CORO7: variants seen among roughly 807,000 people sequenced by gnomAD.
CORO7 encodes coronin 7, also known as coronin-7.
Under a neutral mutation model 126.6 loss-of-function variants are expected in CORO7, and 107 were observed. That is an observed-to-expected ratio of 0.85 (90% CI 0.72 to 0.99). The LOEUF (loss-of-function observed/expected upper bound fraction) is 0.99, where lower values mean the gene tolerates loss of function less well. Ranked by LOEUF, CORO7 falls within the 50% of genes least tolerant of loss-of-function variation. The probability of loss-of-function intolerance (pLI) is 0.00; values close to 1 mark genes in which losing one functional copy is unlikely to be tolerated. For synonymous variants in CORO7, 603 were observed against 536.8 expected (o/e 1.12, Z -1.70); for missense variants, 1,314 against 1,255.8 (o/e 1.05, Z -0.70).
chr16:4,415,934 G>T (rs910551577), intron 1 of CORO7: 13 of 979,816 alleles, frequency 1.3e-5, no homozygotes, highest in Non-Finnish European at 3.6e-6. Flanking sequence ...AGGAAGCACC[G>T]GCGGAAACCC....
In CORO7 at chr16:4,405,428, A is replaced by G. The variant is rs1596335443; in HGVS notation, c.564+63T>C. On this transcript the variant is annotated intron_variant, in intron 6 of 27. Transcript: ENST00000251166. Reference sequence around the variant, plus strand: ...ACAACAAGCCTGGAAGGCCCAGCCCAGGGGGTCCCAGCCCAGGAGGCCTGC... The same window carrying G: ...ACAACAAGCCTGGAAGGCCCAGCCCGGGGGGTCCCAGCCCAGGAGGCCTGC... The G allele has an allele frequency of 3.0e-5, 46 of 1,545,706 alleles. 1 individual carries two copies. The South Asian group carries it at 5.4e-4, about 18-fold the overall frequency.
Position 4,362,239 on chromosome 16 carries a change from C to T in CORO7, c.1403-79G>A. The T allele has an allele frequency of 6.6e-7, 1 of 1,511,366 alleles. No homozygotes were observed. 93.6% of individuals were successfully genotyped at this position (1,511,366 alleles called of 1,614,324 possible). The stretch of plus-strand genomic sequence containing the variant: ...CCTGCACTCTTTGAGTCCCGGCTGC[C>T]CACTCCCCTCACCCCAGGTGGATGT... On this transcript the variant is annotated intron_variant, in intron 15 of 27. Transcript: ENST00000251166. This position sits in a 1 kb window ranked among gnomAD's most constrained non-coding sequence, Gnocchi z 5.3.
intron 6 of CORO7, among the ~76,000 whole-genome samples, chr16:4,395,797 T>C (rs186093948): frequency 2.4e-4 from 37 of 152,348 alleles, no homozygotes; most frequent in Non-Finnish European, 4.6e-4. Context: ...GACGACCTCA[T>C]TTCTGCACTT....
chr16:4,391,015 G>C (rs188650165), intron 7 of CORO7, among the ~76,000 whole-genome samples: 1 of 152,322 alleles, frequency 6.6e-6, no homozygotes, highest in East Asian at 1.9e-4. Flanking sequence ...CCCAATGTGG[G>C]TACACCCAGC....
intron 23 of CORO7, chr16:4,358,929 C>T: frequency 3.1e-6 from 1 of 319,970 alleles, no homozygotes; most frequent in Non-Finnish European, 5.7e-6. Context: ...ATAGTTTAAC[C>T]TTATCTAGTG....
intron 6 of CORO7, among the ~76,000 whole-genome samples, chr16:4,397,030 A>G (rs1442747863): frequency 7.0e-6 from 1 of 142,968 alleles, no homozygotes; most frequent in African/African-American, 2.6e-5. Context: ...AAAAAAAAAA[A>G]GAAAGAAAGA....
At chr16:4,412,682 T>C (rs2056258193) in intron 2 of CORO7, 2 of 522,354 alleles carry the variant, frequency 3.8e-6, no homozygotes, top group South Asian at 2.7e-5. Flanking sequence ...ACACGGGTCA[T>C]ACGAAAGGGG....
chr16:4,361,948 G>A (rs2054193578), intron 16 of CORO7, 37 bp downstream of exon 16: 1 of 1,572,400 alleles, frequency 6.4e-7, no homozygotes, highest in Non-Finnish European at 8.6e-7. Context: ...CACAGGCAGG[G>A]AACTGAGGGG....
chr16:4,360,200 G>C lies in CORO7; in HGVS notation c.2108+78C>G. The C allele has an allele frequency of 2.5e-6, 4 of 1,589,928 alleles. No individual in the cohort carries two copies. The South Asian group carries it at 4.5e-5, about 18-fold the overall frequency. On this transcript the variant is annotated intron_variant, in intron 21 of 27. Coordinates refer to ENST00000251166, the MANE Select transcript of CORO7 (RefSeq NM_024535.5). ...GGGCAGGAATGGTTTCTGAAAGCCT[G>C]ACAAATGTATGTGACTGTGGAGAAG...
At position 4,406,684 on chromosome 16, in the gene CORO7, T is replaced by A. The variant is rs538837873; in HGVS notation, c.487+817A>T. Among the ~76,000 whole-genome samples, 3 of 152,108 alleles carry A rather than the reference T, an allele frequency of 2.0e-5. No homozygotes were observed. The East Asian group carries it at 5.8e-4, about 30-fold the overall frequency. On this transcript the variant is annotated intron_variant, in intron 5 of 27. Transcript: ENST00000251166. ...TCTTGTCCCCCAGGGTGGAGTGCAA[T>A]GGCACGATCTCTCTTCGCTCTCCAT...
chr16:4,400,490 G>A (rs1000866260), intron 6 of CORO7, among the ~76,000 whole-genome samples: 2 of 152,144 alleles, frequency 1.3e-5, no homozygotes, highest in Non-Finnish European at 2.9e-5. Context: ...AAAATTAGCT[G>A]GGTGTGGTGG....
In CORO7 at chr16:4,408,238, G is replaced by C. The variant is rs749625073; in HGVS notation, c.246C>G (p.Asp82Glu). 6.2e-7 allele frequency: 1 copy of C among 1,614,114 alleles called. No individual in the cohort carries two copies. Among genetic ancestry groups the C allele is most frequent in the Non-Finnish European group, 8.5e-7 (1 of 1,180,044 alleles). ...HLGCHSDLVT[D>E]LDFSPFDDFL... ...AGTCATCAAAGGGCGAGAAGTCCAA[G>C]TCGGTGACTAGGTCTGTGGGAGAGG... The change falls in exon 4 of 28, where the codon GAC becomes GAG. Residue 82 changes from aspartate (D) to glutamate (E), a missense_variant. Transcript: ENST00000251166.
intron 20 of CORO7, 24 bp from the exon 21 acceptor site, chr16:4,360,387 C>T (rs775163087): frequency 6.2e-7 from 1 of 1,613,426 alleles, no homozygotes; most frequent in East Asian, 2.2e-5. Context: ...TCGCGTGACA[C>T]CCAGCCAGCA....
intron 5 of CORO7, among the ~76,000 whole-genome samples, chr16:4,407,211 G>A (rs1371929497): frequency 6.6e-6 from 1 of 151,078 alleles, no homozygotes; most frequent in African/African-American, 2.4e-5. Context: ...GCCTCCCAGA[G>A]TGTTGGGATT....
At chr16:4,357,351 CTTTCTTTTTT>C (rs2054009600) in intron 25 of CORO7, 92 bp from the exon 26 acceptor site, 20 of 958,538 alleles carry the variant, frequency 2.1e-5, no homozygotes, top group South Asian at 5.8e-5. Context: ...TCTTTTCTTT[CTTTCTTTTTT>C]TTTTTTTTTT....
chr16:4,406,271 A>T (rs2055994861), intron 5 of CORO7, among the ~76,000 whole-genome samples: 1 of 151,992 alleles, frequency 6.6e-6, no homozygotes, highest in South Asian at 2.1e-4. Context: ...AAGTGCTGGG[A>T]TCACAGGCAT....
intron 21 of CORO7, among the ~76,000 whole-genome samples, chr16:4,359,847 C>G (rs144534020): frequency 6.6e-6 from 1 of 151,664 alleles, no homozygotes; most frequent in Non-Finnish European, 1.5e-5. Flanking sequence ...ACTGCCTCAC[C>G]GCCCCTGCTT....
At position 4,359,411 on chromosome 16, in the gene CORO7, AC is replaced by A. The variant is rs562307467; in HGVS notation, c.2251-27del. On this transcript the variant is annotated intron_variant, in intron 22 of 27. Transcript: ENST00000251166. ...CTGCGGGGAAGAAGGCAGGCTGGGA[AC>A]CCTCCGGCAACACTGGCCTTCCCCC... 7,739 of 1,613,244 alleles carry A rather than the reference AC, an allele frequency of 4.8e-3. 19 individuals are homozygous for A. Among genetic ancestry groups the A allele is most frequent in the Non-Finnish European group, 6.1e-3 (7,235 of 1,179,912 alleles).
chr16:4,359,249 G>A (rs2054079435), intron 23 of CORO7, 47 bp downstream of exon 23: 7 of 1,536,466 alleles, frequency 4.6e-6, no homozygotes, highest in Non-Finnish European at 6.1e-6. Context: ...CAGGGGGCAG[G>A]GCAGCCTTGT....
Sources: allele counts gnomAD v4.1 joint callset (sites outside exome capture counted in the v4.1 genomes callset), GRCh38; gene constraint gnomAD v4.1.1; non-coding constraint Gnocchi (gnomAD v3.1); transcripts MANE v1.5; gene names NCBI Gene and HGNC (gene_info 2026-07-23, HGNC 2026-07-21).